Variants in INPP5B observed in about 807,000 individuals in gnomAD.
The protein encoded by INPP5B is type II inositol 1,4,5-trisphosphate 5-phosphatase.
INPP5B carries 90 observed loss-of-function variants against 118.5 expected under a neutral mutation model. The ratio of observed to expected loss-of-function variants is 0.76; its 90% CI spans 0.64 to 0.90. INPP5B has a LOEUF of 0.90. Among genes scored for constraint, INPP5B ranks in the 40% least tolerant of loss-of-function variants. INPP5B has a pLI of 0.00. For missense variants in INPP5B, 984 were observed against 1,125.6 expected (o/e 0.87, Z 1.80); for synonymous variants, 385 against 418.9 (o/e 0.92, Z 0.99).
At chr1:37,884,603 G>A (rs1049749309) in intron 13 of INPP5B, among the ~76,000 whole-genome samples, 2 of 151,838 alleles carry the variant, frequency 1.3e-5, no homozygotes, top group African/African-American at 4.8e-5. Context: ...CTTATTTCTG[G>A]CTGCTATACT....
chr1:37,887,268 A>G, intron 11 of INPP5B, 83 bp downstream of exon 11: 1 of 906,162 alleles, frequency 1.1e-6, no homozygotes, highest in Non-Finnish European at 1.8e-6. Context: ...CTTAAGATAA[A>G]GGTCATGGAA....
intron 7 of INPP5B, among the ~76,000 whole-genome samples, chr1:37,927,598 G>T (rs979991226): frequency 1.3e-5 from 2 of 149,842 alleles, no homozygotes; most frequent in South Asian, 4.2e-4. Context: ...GTCCAGTGGC[G>T]CAATCTCAGC....
intron 7 of INPP5B, among the ~76,000 whole-genome samples, chr1:37,911,877 G>A (rs1047372592): frequency 4.6e-5 from 7 of 152,198 alleles, no homozygotes; most frequent in Non-Finnish European, 1.0e-4. Flanking sequence ...ATGCTGATAA[G>A]GTAGTTAAAG....
intron 14 of INPP5B, 24 bp downstream of exon 14, chr1:37,882,783 G>A: frequency 6.4e-7 from 1 of 1,560,968 alleles, no homozygotes; most frequent in Middle Eastern, 1.7e-4. Flanking sequence ...GCTGCTGGAA[G>A]AGGGCACAGG....
chr1:37,900,939 G>A (rs1172038194), intron 7 of INPP5B, among the ~76,000 whole-genome samples: 2 of 152,008 alleles, frequency 1.3e-5, no homozygotes, highest in Non-Finnish European at 2.9e-5. Context: ...AGCCTCCTGA[G>A]TAGCTGGGAT....
chr1:37,885,403 G>A (rs965762805), intron 13 of INPP5B: 1 of 399,044 alleles, frequency 2.5e-6, no homozygotes, highest in Non-Finnish European at 4.6e-6. Context: ...GACAGAGCGC[G>A]ACTCCATCTC....
At chr1:37,908,663 T>TA (rs1453160961) in intron 7 of INPP5B, among the ~76,000 whole-genome samples, 1 of 151,906 alleles carries the variant, frequency 6.6e-6, no homozygotes, top group Non-Finnish European at 1.5e-5. Context: ...CTCGGGAAGA[T>TA]AGTCTTCCCT....
At chr1:37,880,870 T>G (rs1643158749) in intron 14 of INPP5B, among the ~76,000 whole-genome samples, 1 of 152,220 alleles carries the variant, frequency 6.6e-6, no homozygotes, top group Admixed American at 6.5e-5. Flanking sequence ...GGACTGCAGC[T>G]GTGCAACACC....
rs756079408 is a variant in INPP5B at position 37,889,624 on chromosome 1, G to A, written c.730C>T (p.Arg244Ter). 12 of 1,613,514 alleles carry A rather than the reference G, an allele frequency of 7.4e-6. No homozygotes were observed. Among genetic ancestry groups the A allele is most frequent in the Non-Finnish European group, 1.0e-5 (12 of 1,179,612 alleles). Reference protein sequence around the residue: ...HILSMQKFGLRDTIVKSHLLQ... With the variant: ...HILSMQKFGL ...AGATGTGATTTCACAATTGTATCTC[G>A]CAGTCCAAACTTCTGCATGGATAAA... The change falls in exon 9 of 24, where the codon CGA (arginine) becomes TGA (stop). Residue 244 changes from arginine to a stop codon, truncating the protein, a stop_gained. Transcript: ENST00000373024. LOFTEE classifies it high-confidence loss of function.
chr1:37,863,590 G>A (rs1641840238), intron 23 of INPP5B, among the ~76,000 whole-genome samples: 1 of 151,742 alleles, frequency 6.6e-6, no homozygotes, highest in Non-Finnish European at 1.5e-5. Flanking sequence ...TCAGGAGGCC[G>A]AGGCACAAGA....
intron 7 of INPP5B, among the ~76,000 whole-genome samples, chr1:37,893,494 G>A (rs1283887008): frequency 6.6e-6 from 1 of 151,978 alleles, no homozygotes; most frequent in Non-Finnish European, 1.5e-5. Context: ...CTTCCTAAAT[G>A]CCTCTCAAAC....
chr1:37,876,427 T>G (rs532943132), intron 16 of INPP5B, among the ~76,000 whole-genome samples: 1 of 151,218 alleles, frequency 6.6e-6, no homozygotes, highest in African/African-American at 2.4e-5. Context: ...CACAGATAGA[T>G]AATAAATAAA....
intron 16 of INPP5B, among the ~76,000 whole-genome samples, chr1:37,876,416 C>T (rs1362829438): frequency 6.6e-6 from 1 of 151,342 alleles, no homozygotes; most frequent in Non-Finnish European, 1.5e-5. Flanking sequence ...TAAAGAGCCA[C>T]CACAGATAGA....
At chr1:37,862,987 C>G (rs1641788069) in intron 23 of INPP5B, among the ~76,000 whole-genome samples, 1 of 152,224 alleles carries the variant, frequency 6.6e-6, no homozygotes, top group Admixed American at 6.5e-5. Context: ...TCCTGCCTCT[C>G]TGGTTCCTGC....
intron 6 of INPP5B, among the ~76,000 whole-genome samples, chr1:37,939,192 C>T (rs1454756162): frequency 9.0e-6 from 1 of 111,092 alleles, no homozygotes; most frequent in Non-Finnish European, 1.8e-5. Context: ...GAAACTCCGT[C>T]TCAAAAAAAA....
intron 7 of INPP5B, among the ~76,000 whole-genome samples, chr1:37,902,313 G>C (rs1644361519): frequency 6.6e-6 from 1 of 152,056 alleles, no homozygotes; most frequent in Non-Finnish European, 1.5e-5. Flanking sequence ...ATATCTGACT[G>C]TCTTCTCTAT....
chr1:37,932,174 A>T (rs1380731852), intron 6 of INPP5B, 121 bp from the exon 7 acceptor site: 2 of 894,962 alleles, frequency 2.2e-6, no homozygotes, highest in Non-Finnish European at 3.2e-6. Flanking sequence ...TTCTGTGCGC[A>T]CTGAGGTTCA....
At chr1:37,897,130 C>T (rs1376191764) in intron 7 of INPP5B, among the ~76,000 whole-genome samples, 3 of 151,248 alleles carry the variant, frequency 2.0e-5, no homozygotes, top group Non-Finnish European at 4.4e-5. Context: ...GACCCCCGTC[C>T]GGCCAGCCGC....
At chr1:37,931,535 C>T in intron 7 of INPP5B, 3 of 1,536,424 alleles carry the variant, frequency 2.0e-6, no homozygotes, top group Non-Finnish European at 2.6e-6. Context: ...AGTGTCCCAG[C>T]CTCCAGAGGG....
Sources: gnomAD v4.1 joint callset for allele counts (sites outside exome capture counted in the v4.1 genomes callset) on GRCh38, gnomAD v4.1.1 for gene constraint, MANE v1.5 for transcripts, NCBI Gene and HGNC (gene_info 2026-07-23, HGNC 2026-07-21) for gene names.